AMZ1: variants seen among roughly 807,000 people sequenced by gnomAD.
AMZ1 encodes archaelysin family metallopeptidase 1, also known as archaemetzincin-1.
A neutral mutation model predicts 29.9 loss-of-function variants in AMZ1; 39 were observed. That is an observed-to-expected ratio of 1.30 (90% CI 1.01 to 1.70). The LOEUF is 1.70. Ranked by LOEUF, AMZ1 falls within the 40% of genes most tolerant of loss-of-function variation. The probability of loss-of-function intolerance (pLI) is 0.00; values close to 1 mark genes in which losing one functional copy is unlikely to be tolerated. For synonymous variants in AMZ1, 458 were observed against 304.0 expected, an observed-to-expected ratio of 1.51 and a Z score of -5.27; for missense variants, 1,041 against 680.6, an observed-to-expected ratio of 1.53 and a Z score of -5.89.
chr7:2,722,435 G>A (rs1204593148), downstream of AMZ1, among the ~76,000 whole-genome samples: 2 of 152,250 alleles, frequency 1.3e-5, no homozygotes, highest in East Asian at 1.9e-4. Context: ...ACCATGCCCG[G>A]CTAATTTTTT....
In AMZ1 at chr7:2,731,832, T is replaced by TC; in HGVS notation, n.550+22016_550+22017insC. ...TAGAAACAAAAAGATGGCAAAAAGA[T>TC]AAGAAGGAAAGAGACTGACTTTTGC... On this transcript the variant is annotated intron_variant and non_coding_transcript_variant, in intron 4 of 4. Coordinates refer to the AMZ1 transcript ENST00000489665. The surrounding 1 kb of genome is among the most constrained non-coding windows in gnomAD (Gnocchi z 6.0). 1.3e-6 allele frequency: 1 copy of TC among 740,874 alleles called. No homozygotes were observed. The highest frequency in any genetic ancestry group is 2.1e-6 in the Non-Finnish European group (1 of 487,214). 45.9% of individuals were successfully genotyped at this position (740,874 alleles called of 1,614,324 possible). A position where few individuals can be genotyped will look rare whatever the true frequency, so the allele number is the denominator to read the frequency against.
At chr7:2,703,092 G>T (rs1225589360) in intron 3 of AMZ1, among the ~76,000 whole-genome samples, 1 of 152,214 alleles carries the variant, frequency 6.6e-6, no homozygotes, top group African/African-American at 2.4e-5. Flanking sequence ...TGACCATACA[G>T]CCAGTGCCCA....
downstream of AMZ1, among the ~76,000 whole-genome samples, chr7:2,721,395 A>AATC (rs1310304876): frequency 6.6e-6 from 1 of 152,202 alleles, no homozygotes; most frequent in African/African-American, 2.4e-5. Context: ...CATGCTGCAG[A>AATC]ATCCACTGCC....
At chr7:2,726,664 G>A (rs1789630832) in intron 4 of AMZ1, among the ~76,000 whole-genome samples, 1 of 152,212 alleles carries the variant, frequency 6.6e-6, no homozygotes, top group Non-Finnish European at 1.5e-5. Flanking sequence ...GCCCCCACCA[G>A]CCACACATGG....
rs1788933379 is a variant in AMZ1, at chr7:2,713,499, G to C, written c.*621G>C. The C allele has an allele frequency of 1.3e-5, 2 of 152,576 alleles. No individual in the cohort carries two copies. Among genetic ancestry groups the C allele is most frequent in the African/African-American group, 4.8e-5 (2 of 41,458 alleles). 9.5% of individuals were successfully genotyped at this position (152,576 alleles called of 1,614,324 possible). On this transcript the variant is annotated 3_prime_UTR_variant, in exon 7 of 7. Coordinates refer to ENST00000683327, the MANE Select transcript of AMZ1 (RefSeq NM_001384743.1). ...CCTGCCCTTCAGTTATTTATAGCTG[G>C]AGCTGGAGAGGCTGGCTCAGATGAG...
upstream of AMZ1, chr7:2,762,389 C>T (rs1791602646): frequency 2.2e-6 from 1 of 448,670 alleles, no homozygotes; most frequent in African/African-American, 2.0e-5. Flanking sequence ...TTCCCACTTT[C>T]CTCACTGAGG....
In AMZ1 at chr7:2,713,742, G is replaced by A. The variant is rs1415204427; in HGVS notation, c.*864G>A. The A allele has an allele frequency of 1.3e-5, 2 of 152,548 alleles. No homozygotes were observed. Among genetic ancestry groups the A allele is most frequent in the African/African-American group, 2.4e-5 (1 of 41,474 alleles). 9.4% of individuals were successfully genotyped at this position (152,548 alleles called of 1,614,324 possible). On this transcript the variant is annotated 3_prime_UTR_variant, in exon 7 of 7. Coordinates refer to ENST00000683327, the MANE Select transcript of AMZ1 (RefSeq NM_001384743.1). ...TCTCTTCTGACAAACACTGCAGGAG[G>A]TGAGGGTGTCTGACGTGCACTGAGG... is the stretch of plus-strand genomic sequence containing the variant.
chr7:2,708,576 C>G lies in AMZ1; in HGVS notation c.473-12C>G, dbSNP rs775875592. 6.2e-7 allele frequency: 1 copy of G among 1,611,612 alleles called. No homozygotes were observed. The highest frequency in any genetic ancestry group is 8.5e-7 in the Non-Finnish European group (1 of 1,179,790). On this transcript the variant is annotated splice_polypyrimidine_tract_variant and intron_variant, in intron 3 of 6. Transcript: ENST00000683327. The stretch of plus-strand genomic sequence containing the variant: ...TGCCTCCTGACCCCATCCTCTGGCC[C>G]TCTCCCCGCAGACGGCATCCTGTCC...
intron 4 of AMZ1, among the ~76,000 whole-genome samples, chr7:2,732,571 A>C (rs1789953242): frequency 6.6e-6 from 1 of 152,154 alleles, no homozygotes. Flanking sequence ...AAAACAGAAC[A>C]AAAAACCAAC....
At chr7:2,721,265 G>C (rs993503339), downstream of AMZ1, among the ~76,000 whole-genome samples, 4 of 152,230 alleles carry the variant, frequency 2.6e-5, no homozygotes, top group African/African-American at 9.6e-5. Context: ...CCTGTGCTGA[G>C]CGCTCACCTC....
intron 1 of AMZ1, among the ~76,000 whole-genome samples, chr7:2,693,329 T>G (rs952440959): frequency 1.3e-5 from 2 of 151,936 alleles, no homozygotes; most frequent in African/African-American, 4.8e-5. Flanking sequence ...CTCAGGTGAT[T>G]GCCCGCCTCC....
intron 4 of AMZ1, among the ~76,000 whole-genome samples, chr7:2,757,545 T>A (rs1418432787): frequency 6.6e-6 from 1 of 152,114 alleles, no homozygotes; most frequent in African/African-American, 2.4e-5. Context: ...AAGCCTTAGA[T>A]GGGAACGCGG....
rs1394389317 is a variant in AMZ1, at chr7:2,746,100, A to G, written n.551-18612A>G. Among the ~76,000 whole-genome samples, 4 of 152,244 alleles carry G rather than the reference A, an allele frequency of 2.6e-5. No homozygotes were observed. In the South Asian group the frequency reaches 8.3e-4, roughly 31 times the overall value. On this transcript the variant is annotated intron_variant and non_coding_transcript_variant, in intron 4 of 4. Coordinates refer to the AMZ1 transcript ENST00000489665. ...ACTTTAACACCCCACTGTCAACATTAGACAGATCAACGAGACAGAAAGTTA... is the reference window on the plus strand; with the variant it reads ...ACTTTAACACCCCACTGTCAACATTGGACAGATCAACGAGACAGAAAGTTA...
upstream of AMZ1, among the ~76,000 whole-genome samples, chr7:2,764,189 C>G (rs962390232): frequency 2.6e-5 from 4 of 151,786 alleles, no homozygotes; most frequent in African/African-American, 9.7e-5. Flanking sequence ...CCTCCTGCCT[C>G]AGCCTCCTGA....
chr7:2,680,424 C>T (rs78898849), intron 1 of AMZ1, among the ~76,000 whole-genome samples: 2,483 of 152,264 alleles, frequency 0.016, 80 homozygotes, highest in African/African-American at 0.056. Flanking sequence ...CAGGGCTTCT[C>T]CAGGTGTTTC....
At position 2,733,585 on chromosome 7, in the gene AMZ1, G is replaced by A. The variant is rs973717526; in HGVS notation, n.550+23769G>A. 29 of 1,060,402 alleles carry A rather than the reference G, an allele frequency of 2.7e-5. No individual in the cohort carries two copies. In the East Asian group the frequency reaches 3.5e-4, roughly 13 times the overall value. The allele number at this position is 1,060,402 out of a possible 1,614,324, so 65.7% of individuals were successfully genotyped here. A position where few individuals can be genotyped will look rare whatever the true frequency, so the allele number is the denominator to read the frequency against. ...AATACAAGAACTGAACAGGGTAAGA[G>A]CAGTGGCATTTCGCCTCCGTGTGAA... On this transcript the variant is annotated intron_variant and non_coding_transcript_variant, in intron 4 of 4. Transcript: ENST00000489665.
At chr7:2,744,280 G>A (rs1790657977) in intron 4 of AMZ1, among the ~76,000 whole-genome samples, 1 of 152,220 alleles carries the variant, frequency 6.6e-6, no homozygotes, top group Non-Finnish European at 1.5e-5. Context: ...AGTAGGGGCG[G>A]ACTGACACCT....
At chr7:2,743,394 TTCA>T (rs1313917074) in intron 4 of AMZ1, among the ~76,000 whole-genome samples, 1 of 152,134 alleles carries the variant, frequency 6.6e-6, no homozygotes, top group Non-Finnish European at 1.5e-5. Context: ...ATGGAAGATA[TTCA>T]TCATCAGGGG....
intron 1 of AMZ1, among the ~76,000 whole-genome samples, chr7:2,682,949 C>T (rs901099779): frequency 6.6e-6 from 1 of 152,228 alleles, no homozygotes; most frequent in Non-Finnish European, 1.5e-5. Context: ...GCCTCAGAGC[C>T]GTCCTCCTCT....
Sources: gnomAD v4.1 joint callset for allele counts (sites outside exome capture counted in the v4.1 genomes callset) on GRCh38, gnomAD v4.1.1 for gene constraint, Gnocchi (gnomAD v3.1) non-coding constraint, MANE v1.5 for transcripts, NCBI Gene and HGNC (gene_info 2026-07-23, HGNC 2026-07-21) for gene names.